Variants in CSMD1 observed in about 807,000 individuals in gnomAD.
The protein encoded by CSMD1 is CUB and sushi domain-containing protein 1.
A neutral mutation model predicts 417.5 loss-of-function variants in CSMD1; 213 were observed. That is an observed-to-expected ratio of 0.51 (90% CI 0.46 to 0.57). The LOEUF (loss-of-function observed/expected upper bound fraction) is 0.57, where lower values mean the gene tolerates loss of function less well. Ranked by LOEUF, CSMD1 falls within the 20% of genes least tolerant of loss-of-function variation. CSMD1 has a pLI of 0.00. For synonymous variants in CSMD1, 2,862 were observed against 1,736.8 expected (o/e 1.65, Z -16.11); for missense variants, 6,923 against 4,529.7 (o/e 1.53, Z -15.17).
chr8:3,754,133 A>T, intron 5 of CSMD1, 91 bp from the exon 6 acceptor site: 1 of 739,154 alleles, frequency 1.4e-6, no homozygotes, highest in South Asian at 1.7e-5. Flanking sequence ...GATTACTTAA[A>T]TCCTTCATCT....
chr8:3,013,509 G>C (rs1424026203), intron 52 of CSMD1, among the ~76,000 whole-genome samples: 2 of 152,134 alleles, frequency 1.3e-5, no homozygotes, highest in African/African-American at 4.8e-5. Flanking sequence ...CCAGCACTTT[G>C]GGAGGCCAAG....
At chr8:4,271,257 C>T (rs187637388) in intron 3 of CSMD1, among the ~76,000 whole-genome samples, 1 of 152,124 alleles carries the variant, frequency 6.6e-6, no homozygotes, top group Non-Finnish European at 1.5e-5. Context: ...ACACTCAGGA[C>T]CATGAAGCTG....
intron 1 of CSMD1, among the ~76,000 whole-genome samples, chr8:4,694,053 G>T (rs1313577066): frequency 1.3e-5 from 2 of 152,126 alleles, no homozygotes; most frequent in African/African-American, 4.8e-5. Flanking sequence ...ACTGCTTAGG[G>T]CAAACCTGCC....
intron 2 of CSMD1, among the ~76,000 whole-genome samples, chr8:4,453,885 G>A (rs551893831): frequency 2.2e-5 from 3 of 136,720 alleles, no homozygotes; most frequent in East Asian, 4.8e-4. Flanking sequence ...GCACTGGCGC[G>A]ACCTCGGCTC....
At chr8:3,268,043 C>T (rs565001648) in intron 26 of CSMD1, among the ~76,000 whole-genome samples, 34 of 152,118 alleles carry the variant, frequency 2.2e-4, no homozygotes, top group African/African-American at 7.0e-4. Flanking sequence ...TTATGAGGGA[C>T]GGGCCAATCT....
chr8:4,365,693 T>C (rs1290689433), intron 3 of CSMD1, among the ~76,000 whole-genome samples: 2 of 152,204 alleles, frequency 1.3e-5, no homozygotes, highest in Non-Finnish European at 1.5e-5. Context: ...CAGCCTCTGA[T>C]CCAGCCTGAG....
chr8:4,189,148 T>G (rs1172806854), intron 3 of CSMD1, among the ~76,000 whole-genome samples: 1 of 152,248 alleles, frequency 6.6e-6, no homozygotes, highest in African/African-American at 2.4e-5. Flanking sequence ...TTGTGAGTCA[T>G]CTCTGAGTTC....
At chr8:3,307,066 G>A (rs1308494226) in intron 25 of CSMD1, among the ~76,000 whole-genome samples, 1 of 152,014 alleles carries the variant, frequency 6.6e-6, no homozygotes, top group Non-Finnish European at 1.5e-5. Context: ...TCCCATCCCT[G>A]CACACAAGTC....
Position 3,118,560 on chromosome 8 carries a change from G to A in CSMD1, c.6269C>T (p.Pro2090Leu). 2 of 1,613,614 alleles carry A rather than the reference G, an allele frequency of 1.2e-6. No individual in the cohort carries two copies. The highest frequency in any genetic ancestry group is 8.5e-7 in the Non-Finnish European group (1 of 1,179,768). The change falls in exon 42 of 70, where the codon CCA becomes CTA. Residue 2090 changes from proline to leucine, a missense_variant. Transcript: ENST00000635120. Reference sequence around the variant, plus strand: ...CATGTACCCATTCTGAAATGGGGGTGGATCTGGACAGTTCTGTAATTCATA... The same window carrying A: ...CATGTACCCATTCTGAAATGGGGGTAGATCTGGACAGTTCTGTAATTCATA... ...QAYELQNCPD[P>L]PPFQNGYMIN...
chr8:4,547,448 GA>G (rs931257954), intron 2 of CSMD1, among the ~76,000 whole-genome samples: 3 of 151,954 alleles, frequency 2.0e-5, no homozygotes, highest in African/African-American at 7.2e-5. Flanking sequence ...GATTGAAAAA[GA>G]AAAAAAGAAA....
At chr8:3,560,987 C>G (rs2088246221) in intron 10 of CSMD1, among the ~76,000 whole-genome samples, 1 of 152,238 alleles carries the variant, frequency 6.6e-6, no homozygotes, top group East Asian at 1.9e-4. Context: ...ATTACAGTGA[C>G]CACTCATTAT....
chr8:4,412,288 A>G (rs778448586), intron 3 of CSMD1, among the ~76,000 whole-genome samples: 24 of 152,122 alleles, frequency 1.6e-4, no homozygotes, highest in Non-Finnish European at 3.2e-4. Context: ...GTTTACCACC[A>G]TCCTCTCGGT....
intron 12 of CSMD1, among the ~76,000 whole-genome samples, chr8:3,427,586 T>C (rs991918543): frequency 1.3e-5 from 2 of 152,164 alleles, no homozygotes; most frequent in African/African-American, 2.4e-5. Context: ...CTATGAGATA[T>C]GAAACAATCT....
chr8:4,553,459 A>G (rs1185996753), intron 2 of CSMD1, among the ~76,000 whole-genome samples: 1 of 131,054 alleles, frequency 7.6e-6, no homozygotes. Context: ...TTTTTTTTTT[A>G]CAAATGAAAG....
rs532988802 is a variant in CSMD1, at chr8:3,333,048, C to T, written c.3631+10246G>A. On this transcript the variant is annotated intron_variant, in intron 23 of 69. Transcript: ENST00000635120. ...GGCTTTGGAGAAGCCAGCAAGGACA[C>T]GCCCTGCCCAGAGAAGACCACAGCC... is the stretch of plus-strand genomic sequence containing the variant. 1.3e-4 allele frequency among the ~76,000 whole-genome samples: 20 copies of T among 152,280 alleles called. No homozygotes were observed. The East Asian group carries it at 3.3e-3, about 25-fold the overall frequency.
At chr8:3,556,561 C>CTCTG (rs1799163826) in intron 10 of CSMD1, among the ~76,000 whole-genome samples, 1 of 143,764 alleles carries the variant, frequency 7.0e-6, no homozygotes, top group African/African-American at 2.6e-5. Context: ...CCCTCTCTCT[C>CTCTG]TTTCAGAAAT....
chr8:3,127,444 CT>C (rs1406455247), intron 41 of CSMD1: 1 of 152,190 alleles, frequency 6.6e-6, no homozygotes, highest in Non-Finnish European at 1.5e-5. Flanking sequence ...AGTTTGCATG[CT>C]CACATAATTC....
intron 2 of CSMD1, among the ~76,000 whole-genome samples, chr8:4,430,443 G>T (rs1054190721): frequency 6.6e-6 from 1 of 150,820 alleles, no homozygotes; most frequent in African/African-American, 2.4e-5. Flanking sequence ...ACCCTGAGAG[G>T]AATTTCATTT....
intron 3 of CSMD1, among the ~76,000 whole-genome samples, chr8:4,125,801 A>G (rs934111793): frequency 3.9e-5 from 6 of 152,178 alleles, no homozygotes; most frequent in East Asian, 1.9e-4. Flanking sequence ...TGATCAATTG[A>G]TAACAGCCCA....
Sources: allele counts gnomAD v4.1 joint callset (sites outside exome capture counted in the v4.1 genomes callset), GRCh38; gene constraint gnomAD v4.1.1; transcripts MANE v1.5; gene names NCBI Gene and HGNC (gene_info 2026-07-23, HGNC 2026-07-21).